Variants in PRDM5 observed in about 807,000 individuals in gnomAD.
PRDM5 encodes the protein PR/SET domain 5, also known as PR domain zinc finger protein 5.
In PRDM5, 56 loss-of-function variants were observed where a neutral mutation model predicts 81.2. That is an observed-to-expected ratio of 0.69 (90% CI 0.56 to 0.86). The LOEUF (loss-of-function observed/expected upper bound fraction) is 0.86, where lower values mean the gene tolerates loss of function less well. Among genes scored for constraint, PRDM5 ranks in the 40% least tolerant of loss-of-function variants. The pLI, the probability that PRDM5 is intolerant of heterozygous loss-of-function variation, is 0.00. For synonymous variants in PRDM5, 267 were observed against 256.4 expected, an observed-to-expected ratio of 1.04 and a Z score of -0.39; for missense variants, 697 against 770.1, an observed-to-expected ratio of 0.91 and a Z score of 1.12.
intron 3 of PRDM5, among the ~76,000 whole-genome samples, chr4:120,845,427 G>A (rs563392345): frequency 2.0e-5 from 3 of 152,234 alleles, no homozygotes; most frequent in South Asian, 2.1e-4. Context: ...AAATCCTAGG[G>A]CCCTTAATAA....
chr4:120,769,358 T>C (rs1054125693), intron 13 of PRDM5, among the ~76,000 whole-genome samples: 5 of 151,860 alleles, frequency 3.3e-5, no homozygotes, highest in Non-Finnish European at 7.4e-5. Flanking sequence ...TAAAGGAGCA[T>C]GGATATGCTG....
chr4:120,716,084 G>T (rs568285737), intron 14 of PRDM5, among the ~76,000 whole-genome samples: 1 of 152,118 alleles, frequency 6.6e-6, no homozygotes, highest in South Asian at 2.1e-4. Context: ...ATGCAAACAC[G>T]TATTAATCAT....
intron 10 of PRDM5, 102 bp downstream of exon 10, chr4:120,798,165 T>C (rs2149282503): frequency 2.4e-6 from 2 of 840,716 alleles, no homozygotes; most frequent in African/African-American, 1.7e-5. Context: ...TGTTGCATTA[T>C]ATACAGTAGG....
intron 7 of PRDM5, among the ~76,000 whole-genome samples, chr4:120,814,956 A>T (rs1304992285): frequency 6.6e-6 from 1 of 152,244 alleles, no homozygotes; most frequent in Admixed American, 6.5e-5. Flanking sequence ...AATTTCCAGA[A>T]TTAATAATAT....
At chr4:120,876,647 A>C (rs916675949) in intron 2 of PRDM5, among the ~76,000 whole-genome samples, 1 of 152,240 alleles carries the variant, frequency 6.6e-6, no homozygotes, top group Non-Finnish European at 1.5e-5. Context: ...CAGACTGTGA[A>C]ATGAATCCCA....
chr4:120,840,607 C>T (rs568246349), intron 3 of PRDM5, among the ~76,000 whole-genome samples: 1 of 152,138 alleles, frequency 6.6e-6, no homozygotes, highest in South Asian at 2.1e-4. Flanking sequence ...CCCCTTCCCC[C>T]CATGGGCAAG....
chr4:120,918,330 G>C (rs549219808), intron 1 of PRDM5, among the ~76,000 whole-genome samples: 3 of 152,216 alleles, frequency 2.0e-5, no homozygotes, highest in Admixed American at 6.5e-5. Context: ...TTCCAGATTA[G>C]TTATCATCGG....
At chr4:120,823,122 T>C (rs1755507979) in intron 3 of PRDM5, among the ~76,000 whole-genome samples, 1 of 152,200 alleles carries the variant, frequency 6.6e-6, no homozygotes, top group Non-Finnish European at 1.5e-5. Context: ...AATGCAATAA[T>C]AAATATTAGT....
chr4:120,696,999 C>A (rs1734600430), intron 15 of PRDM5, among the ~76,000 whole-genome samples: 1 of 152,036 alleles, frequency 6.6e-6, no homozygotes, highest in Non-Finnish European at 1.5e-5. Flanking sequence ...TTGCAAAAAT[C>A]AGAGGAAAAG....
chr4:120,840,993 G>C (rs1757967391), intron 3 of PRDM5, among the ~76,000 whole-genome samples: 1 of 152,150 alleles, frequency 6.6e-6, no homozygotes, highest in Non-Finnish European at 1.5e-5. Context: ...ACAGGGGTTG[G>C]GGACCCCAGT....
chr4:120,721,727 A>G (rs1738634894), intron 14 of PRDM5, among the ~76,000 whole-genome samples: 1 of 152,248 alleles, frequency 6.6e-6, no homozygotes, highest in African/African-American at 2.4e-5. Context: ...ATTGTAAGGC[A>G]ATGGCTGTGC....
At chr4:120,719,565 A>G (rs1468558669) in intron 14 of PRDM5, among the ~76,000 whole-genome samples, 1 of 152,224 alleles carries the variant, frequency 6.6e-6, no homozygotes, top group East Asian at 1.9e-4. Context: ...CAATTTTATC[A>G]TAATCTAGAT....
chr4:120,778,528 T>G (rs920325296), intron 12 of PRDM5, among the ~76,000 whole-genome samples: 30 of 152,174 alleles, frequency 2.0e-4, no homozygotes, highest in Non-Finnish European at 2.9e-5. Context: ...TATTATTTAA[T>G]TAGCGAATTT....
rs1756521945 is a variant in PRDM5, at chr4:120,830,088, C to T, written c.301-8743G>A. The stretch of plus-strand genomic sequence containing the variant: ...AACATCAAGAAAAAAATCATTTCCA[C>T]ATTAAAATTCACAAAATGTATCTAT... On this transcript the variant is annotated intron_variant, in intron 3 of 15. Coordinates refer to ENST00000264808, the MANE Select transcript of PRDM5 (RefSeq NM_018699.4). Among the ~76,000 whole-genome samples, 4 of 152,050 alleles carry T rather than the reference C, an allele frequency of 2.6e-5. No individual in the cohort carries two copies. In the South Asian group the frequency reaches 8.3e-4, roughly 31 times the overall value.
In PRDM5 at chr4:120,907,470, T is replaced by C; in HGVS notation, c.177+4A>G. 6.3e-7 allele frequency: 1 copy of C among 1,589,372 alleles called. No individual in the cohort carries two copies. The highest frequency in any genetic ancestry group is 8.6e-7 in the Non-Finnish European group (1 of 1,157,582). On this transcript the variant is annotated splice_donor_region_variant and intron_variant, in intron 2 of 15. Coordinates refer to ENST00000264808, the MANE Select transcript of PRDM5 (RefSeq NM_018699.4). ...TTTAACATTAAAATAAGTCATATCC[T>C]CACCTCCCACATCAACCTGTAATCC...
intron 15 of PRDM5, among the ~76,000 whole-genome samples, chr4:120,706,085 C>CTT (rs5861484): frequency 9.8e-5 from 14 of 143,294 alleles, no homozygotes; most frequent in Admixed American, 1.4e-4. Flanking sequence ...GATCCTAGAT[C>CTT]TTTTTTTTTT....
At chr4:120,748,019 T>G (rs1046953754) in intron 14 of PRDM5, among the ~76,000 whole-genome samples, 1 of 152,182 alleles carries the variant, frequency 6.6e-6, no homozygotes, top group Non-Finnish European at 1.5e-5. Context: ...GTTTATAAAA[T>G]GGGTATTTAT....
intron 14 of PRDM5, among the ~76,000 whole-genome samples, chr4:120,729,846 G>A (rs1462631906): frequency 6.6e-6 from 1 of 152,174 alleles, no homozygotes. Context: ...GATTTCCTGC[G>A]TGGGGTGTCC....
intron 2 of PRDM5, among the ~76,000 whole-genome samples, chr4:120,862,337 A>G (rs934329446): frequency 7.2e-5 from 11 of 152,216 alleles, no homozygotes; most frequent in African/African-American, 2.4e-4. Flanking sequence ...AGGAAGCAGA[A>G]AACACAATGT....
Sources: allele counts gnomAD v4.1 joint callset (sites outside exome capture counted in the v4.1 genomes callset), GRCh38; gene constraint gnomAD v4.1.1; transcripts MANE v1.5; gene names NCBI Gene and HGNC (gene_info 2026-07-23, HGNC 2026-07-21).